The following MALRD1 variants were observed in gnomAD, a reference collection of about 807,000 sequenced individuals.
MALRD1 encodes MAM and LDL receptor class A domain containing 1.
Under a neutral mutation model 242.1 loss-of-function variants are expected in MALRD1, and 247 were observed. That is an observed-to-expected ratio of 1.02 (90% confidence interval 0.92 to 1.13). MALRD1 has a LOEUF of 1.13. Ranked by LOEUF, MALRD1 falls within the 50% of genes most tolerant of loss-of-function variation. MALRD1 has a pLI of 0.00. For synonymous variants in MALRD1, 995 were observed against 866.6 expected (o/e 1.15, Z -2.60); for missense variants, 2,989 against 2,533.1 (o/e 1.18, Z -3.86).
intron 4 of MALRD1, among the ~76,000 whole-genome samples, chr10:19,094,848 A>T (rs1164889206): frequency 6.6e-6 from 1 of 152,222 alleles, no homozygotes; most frequent in African/African-American, 2.4e-5. Flanking sequence ...AAACTTATTT[A>T]TGCAGCCTAA....
intron 21 of MALRD1, among the ~76,000 whole-genome samples, chr10:19,314,018 T>C (rs1326608413): frequency 6.6e-6 from 1 of 151,588 alleles, no homozygotes. Context: ...TCAAGATGCC[T>C]TACTTCATAA....
chr10:19,378,124 C>T (rs1845687100), intron 26 of MALRD1, among the ~76,000 whole-genome samples: 1 of 152,080 alleles, frequency 6.6e-6, no homozygotes, highest in African/African-American at 2.4e-5. Flanking sequence ...AAACTTGACA[C>T]TTCTAGAGGG....
At chr10:19,621,833 G>T in intron 36 of MALRD1, among the ~76,000 whole-genome samples, 1 of 151,640 alleles carries the variant, frequency 6.6e-6, no homozygotes, top group East Asian at 1.9e-4. Flanking sequence ...TGGCCTCTAG[G>T]AAAAGAACCA....
intron 21 of MALRD1, among the ~76,000 whole-genome samples, chr10:19,321,542 T>C (rs1842915799): frequency 6.6e-6 from 1 of 152,164 alleles, no homozygotes; most frequent in Non-Finnish European, 1.5e-5. Context: ...ATGTGATAAT[T>C]TAATACATTT....
intron 26 of MALRD1, among the ~76,000 whole-genome samples, chr10:19,356,686 C>T (rs989387407): frequency 2.6e-5 from 4 of 152,070 alleles, no homozygotes; most frequent in African/African-American, 9.7e-5. Context: ...CCCCAGTGGA[C>T]AGCAAAGGAG....
At chr10:19,630,014 C>G (rs1314223999) in intron 36 of MALRD1, among the ~76,000 whole-genome samples, 2 of 152,162 alleles carry the variant, frequency 1.3e-5, no homozygotes, top group Non-Finnish European at 2.9e-5. Flanking sequence ...TAGTTCAATG[C>G]ATTTTAATTT....
intron 24 of MALRD1, among the ~76,000 whole-genome samples, chr10:19,344,057 G>A (rs970030256): frequency 6.6e-6 from 1 of 152,058 alleles, no homozygotes; most frequent in Non-Finnish European, 1.5e-5. Flanking sequence ...ATGGGTATAA[G>A]TCTTTTAACA....
At chr10:19,479,884 G>A (rs1032051382) in intron 29 of MALRD1, among the ~76,000 whole-genome samples, 15 of 152,206 alleles carry the variant, frequency 9.9e-5, no homozygotes, top group Admixed American at 3.9e-4. Flanking sequence ...GGAAAGTGTG[G>A]GGAAGTCTGT....
rs539000385 is a variant in MALRD1 at position 19,397,583 on chromosome 10, C to T, written c.4845+7974C>T. 5.3e-5 allele frequency among the ~76,000 whole-genome samples: 8 copies of T among 152,074 alleles called. No homozygotes were observed. The East Asian group carries it at 1.5e-3, about 29-fold the overall frequency. On this transcript the variant is annotated intron_variant, in intron 28 of 39. Transcript: ENST00000454679. ...ATATCTCAACCTATTGATTTCATTT[C>T]CTTTGAATATATACCCAGTAGTGGA...
chr10:19,083,318 C>T (rs952259290), intron 2 of MALRD1, among the ~76,000 whole-genome samples: 3 of 152,008 alleles, frequency 2.0e-5, no homozygotes, highest in African/African-American at 7.2e-5. Context: ...GCCTCAATAT[C>T]AGCCAGATGT....
At chr10:19,711,333 A>G (rs752911572) in intron 38 of MALRD1, 2 of 152,226 alleles carry the variant, frequency 1.3e-5, no homozygotes, top group Non-Finnish European at 1.5e-5. Flanking sequence ...TTAGCAATTC[A>G]TTCTTATATT....
intron 28 of MALRD1, among the ~76,000 whole-genome samples, chr10:19,417,839 G>A (rs2130905458): frequency 6.6e-6 from 1 of 152,020 alleles, no homozygotes; most frequent in East Asian, 1.9e-4. Context: ...CATGTAACAT[G>A]GTATGGATTA....
intron 2 of MALRD1, among the ~76,000 whole-genome samples, 154 bp downstream of exon 2, chr10:19,067,013 G>C (rs1277217760): frequency 6.6e-6 from 1 of 151,192 alleles, no homozygotes; most frequent in Non-Finnish European, 1.5e-5. Context: ...TTACATATTT[G>C]TAGTTAAAAT....
At chr10:19,196,086 C>T (rs954460186) in intron 14 of MALRD1, among the ~76,000 whole-genome samples, 79 of 152,270 alleles carry the variant, frequency 5.2e-4, no homozygotes, top group African/African-American at 1.8e-3. Context: ...AGTAAACTGT[C>T]CGTGTTTCTT....
At chr10:19,305,143 A>G (rs536648532) in intron 21 of MALRD1, among the ~76,000 whole-genome samples, 1 of 151,814 alleles carries the variant, frequency 6.6e-6, no homozygotes, top group Admixed American at 6.6e-5. Context: ...GGTTTTTGCC[A>G]GTATACGGAG....
intron 36 of MALRD1, among the ~76,000 whole-genome samples, chr10:19,672,824 C>T (rs1369275644): frequency 6.6e-6 from 1 of 152,048 alleles, no homozygotes; most frequent in Non-Finnish European, 1.5e-5. Flanking sequence ...TGAGATAATT[C>T]ACCAGTAAAT....
chr10:19,529,354 G>C (rs558131737), intron 31 of MALRD1, among the ~76,000 whole-genome samples: 1 of 152,274 alleles, frequency 6.6e-6, no homozygotes, highest in South Asian at 2.1e-4. Context: ...TACATAAGTT[G>C]CTTATAAAAT....
At chr10:19,566,204 C>G (rs1445001442) in intron 32 of MALRD1, among the ~76,000 whole-genome samples, 1 of 152,010 alleles carries the variant, frequency 6.6e-6, no homozygotes, top group East Asian at 1.9e-4. Context: ...TCTCCTCTCA[C>G]TGCAAACTCC....
chr10:19,595,154 T>G (rs1301618882), intron 33 of MALRD1, 40 bp from the exon 34 acceptor site: 2 of 1,519,556 alleles, frequency 1.3e-6, no homozygotes, highest in South Asian at 2.5e-5. Flanking sequence ...GGAGGGAAAC[T>G]CCCTAATGCC....
Sources: gnomAD v4.1 joint callset for allele counts (sites outside exome capture counted in the v4.1 genomes callset) on GRCh38, gnomAD v4.1.1 for gene constraint, MANE v1.5 for transcripts, NCBI Gene and HGNC (gene_info 2026-07-23, HGNC 2026-07-21) for gene names.